ACTN1: variants seen among roughly 807,000 people sequenced by gnomAD.
The protein encoded by ACTN1 is alpha-actinin-1.
In ACTN1, 30 loss-of-function variants were observed where a neutral mutation model predicts 119.6. That is an observed-to-expected ratio of 0.25 (90% CI 0.19 to 0.34). ACTN1 has a LOEUF of 0.34. Among genes scored for constraint, ACTN1 ranks in the 10% least tolerant of loss-of-function variants. The pLI is 1.00. For missense variants in ACTN1, 764 were observed against 1,223.4 expected (o/e 0.62, Z 5.60); for synonymous variants, 429 against 472.6 (o/e 0.91, Z 1.20).
At chr14:68,974,002 C>G (rs2036980467) in intron 1 of ACTN1, 1 of 152,276 alleles carries the variant, frequency 6.6e-6, no homozygotes, top group Non-Finnish European at 1.5e-5. Flanking sequence ...CCACAGGCCC[C>G]TCTAGCAGAG....
rs940433054 is a variant in ACTN1, at chr14:68,969,333, C to T, written c.105+9619G>A. Among the ~76,000 whole-genome samples the T allele has an allele frequency of 2.0e-5, 3 of 152,188 alleles. No individual in the cohort carries two copies. The East Asian group carries it at 5.8e-4, about 29-fold the overall frequency. ...AGTATCCGAGATGAAGGACAGGAAA[C>T]CAGGGGTCTGGCCCCATTTCCCTGC... On this transcript the variant is annotated intron_variant, in intron 1 of 21. Transcript: ENST00000394419.
chr14:68,914,237 G>A (rs2034166388), intron 3 of ACTN1, among the ~76,000 whole-genome samples: 1 of 151,774 alleles, frequency 6.6e-6, no homozygotes, highest in African/African-American at 2.4e-5. Flanking sequence ...AAAGGAATCG[G>A]CTCATAAATC....
chr14:68,883,466 G>T (rs2140097693), intron 14 of ACTN1: 1 of 170,068 alleles, frequency 5.9e-6, no homozygotes, highest in Non-Finnish European at 1.3e-5. Context: ...CCAAATAAAT[G>T]TTACATTAAA....
chr14:68,878,566 G>C lies in ACTN1; in HGVS notation c.2362-43C>G. ...ACCAAGACACAAGGAGGGTCGGGAA[G>C]GCAGGAAGAGGAAGGGCCGGCCCGG... On this transcript the variant is annotated intron_variant, in intron 19 of 21. Transcript: ENST00000394419. This position sits in a 1 kb window ranked among gnomAD's most constrained non-coding sequence, Gnocchi z 4.4. The C allele has an allele frequency of 6.2e-7, 1 of 1,612,298 alleles. No individual in the cohort carries two copies. Among genetic ancestry groups the C allele is most frequent in the Non-Finnish European group, 8.5e-7 (1 of 1,179,270 alleles).
chr14:68,946,324 G>A (rs1364473096), intron 1 of ACTN1, among the ~76,000 whole-genome samples: 1 of 152,124 alleles, frequency 6.6e-6, no homozygotes, highest in African/African-American at 2.4e-5. Flanking sequence ...TTCTCTAATG[G>A]ACCAGGCCAA....
At chr14:68,904,522 T>C (rs1419791773) in intron 7 of ACTN1, 133 bp downstream of exon 7, 11 of 682,080 alleles carry the variant, frequency 1.6e-5, no homozygotes, top group African/African-American at 1.3e-4. Context: ...GTGATCCCCA[T>C]GCTCCTCAAA....
At chr14:68,950,145 C>T (rs8011650) in intron 1 of ACTN1, among the ~76,000 whole-genome samples, 50,089 of 151,600 alleles carry the variant, frequency 0.33, 10,468 homozygotes, top group African/African-American at 0.6. Context: ...AATACAAAAA[C>T]TAGCCAGGCA....
rs743129 is a variant in ACTN1, at chr14:68,883,341, C to G, written c.1636-286G>C. Reference sequence around the variant, plus strand: ...GAAGGGCTGCTCCAGAGGCTCACTACCCAGGTGACCTCCCACAACATGAGC... The same window carrying G: ...GAAGGGCTGCTCCAGAGGCTCACTAGCCAGGTGACCTCCCACAACATGAGC... On this transcript the variant is annotated intron_variant, in intron 14 of 21. Coordinates refer to ENST00000394419, the MANE Select transcript of ACTN1 (RefSeq NM_001130004.2). 0.075 allele frequency: 27,841 copies of G among 371,350 alleles called. 1,416 individuals are homozygous for G. Among genetic ancestry groups the G allele is most frequent in the African/African-American group, 0.17 (8,575 of 50,218 alleles). The allele number at this position is 371,350 out of a possible 1,614,324, so 23.0% of individuals were successfully genotyped here.
chr14:68,874,345 T>C lies in ACTN1; in HGVS notation c.*514A>G, dbSNP rs2030587624. On this transcript the variant is annotated 3_prime_UTR_variant, in exon 22 of 22. Coordinates refer to ENST00000394419, the MANE Select transcript of ACTN1 (RefSeq NM_001130004.2). ...TTTCAAAAGATTTTCTTTAATATCATAAAATATTTTCATGGACAAGTGAGC... is the reference window on the plus strand; with the variant it reads ...TTTCAAAAGATTTTCTTTAATATCACAAAATATTTTCATGGACAAGTGAGC... 1 of 152,450 alleles carries C rather than the reference T, an allele frequency of 6.6e-6. No homozygotes were observed. The allele number at this position is 152,450 out of a possible 1,614,324, so 9.4% of individuals were successfully genotyped here.
At position 68,978,968 on chromosome 14, in the gene ACTN1, T is replaced by A. The variant is rs1402862267; in HGVS notation, c.89A>T (p.Glu30Val). Residue 30 changes from glutamate to valine, a missense_variant, in exon 1 of 22, where the codon GAG (glutamate) becomes GTG (valine). Around this residue, in one of 4 missense-constraint regions of ACTN1, gnomAD observed 64 missense variants for 80.0 expected, o/e 0.80. Transcript: ENST00000394419. The stretch of plus-strand genomic sequence containing the variant: ...GCTGCTAACCTTTCTCTGCTGCTTC[T>A]CCCAGGCCGGGTCCAGGAGCAGGTC... ...DRDLLLDPAW[E>V]KQQRKTFTAW... The A allele has an allele frequency of 1.3e-6, 2 of 1,598,938 alleles. No homozygotes were observed. Among genetic ancestry groups the A allele is most frequent in the Non-Finnish European group, 1.7e-6 (2 of 1,172,318 alleles).
chr14:68,924,167 T>A (rs1267001240), intron 2 of ACTN1, among the ~76,000 whole-genome samples: 2 of 152,138 alleles, frequency 1.3e-5, no homozygotes, highest in Non-Finnish European at 2.9e-5. Flanking sequence ...TTTGAGACGA[T>A]GAAGAGCCCT....
chr14:68,912,148 A>G lies in ACTN1; in HGVS notation c.427+8T>C, dbSNP rs1307628296. 1 of 1,613,864 alleles carries G rather than the reference A, an allele frequency of 6.2e-7. No individual in the cohort carries two copies. ...GTGATGGCGGGATGGAACAAAGCAG[A>G]AACCCACCTTCCACGGAGATGTCCT... On this transcript the variant is annotated splice_region_variant and intron_variant, in intron 4 of 21. Coordinates refer to ENST00000394419, the MANE Select transcript of ACTN1 (RefSeq NM_001130004.2).
Position 68,874,876 on chromosome 14 carries a change from C to A in ACTN1, c.2728G>T (p.Gly910Cys). The part of the protein sequence containing the change: ...DYMSFSTALY[G>C]ESDL ...GGGGTGGATTAGAGGTCACTCTCGCCGTACAGCGCCGTGGAGAAGGACATG... is the reference window on the plus strand; with the variant it reads ...GGGGTGGATTAGAGGTCACTCTCGCAGTACAGCGCCGTGGAGAAGGACATG... Residue 910 changes from glycine (G) to cysteine (C), a missense_variant, in exon 22 of 22, where the codon GGC becomes TGC. Coordinates refer to ENST00000394419, the MANE Select transcript of ACTN1 (RefSeq NM_001130004.2). 1 of 1,588,786 alleles carries A rather than the reference C, an allele frequency of 6.3e-7. No individual in the cohort carries two copies. The highest frequency in any genetic ancestry group is 8.6e-7 in the Non-Finnish European group (1 of 1,160,966).
At position 68,904,741 on chromosome 14, in the gene ACTN1, A is replaced by G. The variant is rs2033563512; in HGVS notation, c.595-5T>C. ...CAGATTTGTGAGTGGATCATCCTAG[A>G]GGGAGAAAAGGAGGAAGGGATGATA... On this transcript the variant is annotated splice_region_variant and splice_polypyrimidine_tract_variant and intron_variant, in intron 6 of 21. Transcript: ENST00000394419. 1 of 1,611,666 alleles carries G rather than the reference A, an allele frequency of 6.2e-7. No individual in the cohort carries two copies. Among genetic ancestry groups the G allele is most frequent in the Non-Finnish European group, 8.5e-7 (1 of 1,178,010 alleles).
rs192195719 is a variant in ACTN1, at chr14:68,889,793, C to A, written c.1234+346G>T. On this transcript the variant is annotated intron_variant, in intron 11 of 21. Coordinates refer to ENST00000394419, the MANE Select transcript of ACTN1 (RefSeq NM_001130004.2). ...AACACAATTCCATCTCAAAAAAAAA[C>A]CCCCATAAAACTAAAAAACAAAGTG... Among the ~76,000 whole-genome samples the A allele has an allele frequency of 5.6e-3, 832 of 149,482 alleles. 31 individuals are homozygous for A. The highest frequency in any genetic ancestry group is 0.048 in the Admixed American group (717 of 15,090).
chr14:68,893,708 C>T lies in ACTN1; in HGVS notation c.802G>A (p.Val268Ile), dbSNP rs1220850832. The T allele has an allele frequency of 9.3e-6, 15 of 1,614,000 alleles. No homozygotes were observed. Among genetic ancestry groups the T allele is most frequent in the Admixed American group, 1.7e-5 (1 of 60,004 alleles). ...AANRICKVLA[V>I]NQENEQLMED... ...ATAAGCTGCTCGTTCTCCTGGTTGA[C>T]GGCCAACACCTTGCAGATGCGATTG... The change falls in exon 9 of 22, where the codon GTC (valine) becomes ATC (isoleucine). Residue 268 changes from valine (V) to isoleucine (I), a missense_variant. Val to Ile is a conservative substitution (Grantham distance 29). Transcript: ENST00000394419.
intron 1 of ACTN1, chr14:68,974,095 T>A (rs2036984771): frequency 6.6e-6 from 1 of 152,638 alleles, no homozygotes; most frequent in South Asian, 2.1e-4. Flanking sequence ...TTTGGCTCCA[T>A]ACCAAGTCCA....
chr14:68,968,631 T>C (rs2036780180), intron 1 of ACTN1, among the ~76,000 whole-genome samples: 1 of 152,234 alleles, frequency 6.6e-6, no homozygotes, highest in East Asian at 1.9e-4. Flanking sequence ...CTCTACAAGG[T>C]ACTCTTTCCT....
At chr14:68,898,703 T>G (rs1411890763) in intron 8 of ACTN1, among the ~76,000 whole-genome samples, 1 of 151,352 alleles carries the variant, frequency 6.6e-6, no homozygotes, top group African/African-American at 2.4e-5. Context: ...CAACTCTGGG[T>G]CAGACCCCTG....
Sources: gnomAD v4.1 joint callset for allele counts (sites outside exome capture counted in the v4.1 genomes callset) on GRCh38, gnomAD v4.1.1 for gene constraint, gnomAD v4.1.1 regional missense constraint, Gnocchi (gnomAD v3.1) non-coding constraint, MANE v1.5 for transcripts, NCBI Gene and HGNC (gene_info 2026-07-23, HGNC 2026-07-21) for gene names.